ITGAV: variants seen among roughly 807,000 people sequenced by gnomAD.
ITGAV encodes integrin alpha-V.
A neutral mutation model predicts 143.8 loss-of-function variants in ITGAV; 76 were observed. The ratio of observed to expected loss-of-function variants is 0.53; its 90% CI spans 0.44 to 0.64. ITGAV has a LOEUF of 0.64. Ranked by LOEUF, ITGAV falls within the 30% of genes least tolerant of loss-of-function variation. ITGAV has a pLI of 0.00. For synonymous variants in ITGAV, 453 were observed against 446.7 expected (o/e 1.01, Z -0.18); for missense variants, 1,193 against 1,274.7 (o/e 0.94, Z 0.98).
intron 2 of ITGAV, among the ~76,000 whole-genome samples, chr2:186,603,369 C>G (rs1277358059): frequency 3.9e-5 from 6 of 152,046 alleles, no homozygotes; most frequent in Non-Finnish European, 7.4e-5. Flanking sequence ...TGGACTGTTC[C>G]ATTTGACATT....
At chr2:186,646,155 CT>C (rs1179363493) in intron 12 of ITGAV, among the ~76,000 whole-genome samples, 5 of 152,120 alleles carry the variant, frequency 3.3e-5, no homozygotes, top group Non-Finnish European at 7.4e-5. Context: ...CATTTATCTT[CT>C]TTCAGTGTAA....
chr2:186,668,157 T>A (rs1688951024), intron 24 of ITGAV: 1 of 133,586 alleles, frequency 7.5e-6, no homozygotes, highest in Admixed American at 7.9e-5. Flanking sequence ...AACTTTTAAA[T>A]ATTTTGCCTT....
chr2:186,615,409 A>G (rs1052261530), intron 2 of ITGAV, among the ~76,000 whole-genome samples: 1 of 152,130 alleles, frequency 6.6e-6, no homozygotes, highest in African/African-American at 2.4e-5. Flanking sequence ...GTACCATTTT[A>G]CATTTCTATT....
intron 5 of ITGAV, among the ~76,000 whole-genome samples, chr2:186,631,943 C>T (rs1478731625): frequency 1.3e-5 from 2 of 152,112 alleles, no homozygotes. Context: ...ATGAGGATTG[C>T]TTGAACTGCA....
chr2:186,598,692 G>A (rs933887371), intron 1 of ITGAV, among the ~76,000 whole-genome samples: 29 of 152,110 alleles, frequency 1.9e-4, no homozygotes, highest in African/African-American at 6.3e-4. Context: ...GCCGCCCAAA[G>A]TGTTGGGATT....
intron 26 of ITGAV, among the ~76,000 whole-genome samples, chr2:186,674,015 C>A (rs566257922): frequency 1.4e-4 from 22 of 152,102 alleles, no homozygotes; most frequent in Non-Finnish European, 2.5e-4. Flanking sequence ...ATTCTCTCAT[C>A]CATGCTGGAG....
chr2:186,622,676 TC>T (rs1332706755), intron 3 of ITGAV, among the ~76,000 whole-genome samples: 1 of 152,202 alleles, frequency 6.6e-6, no homozygotes, highest in Non-Finnish European at 1.5e-5. Flanking sequence ...ACTTGACAGT[TC>T]CTATCAGTTT....
Position 186,622,429 on chromosome 2 carries a change from TG to T in ITGAV, c.408+1del, listed in dbSNP as rs1475507828. On this transcript the variant is annotated frameshift_variant and splice_region_variant, in exon 3 of 30. Coordinates refer to ENST00000261023, the MANE Select transcript of ITGAV (RefSeq NM_002210.5). LOFTEE classifies it high-confidence loss of function. ...ASVRSKQDKI[L>X]ACAPLYHWRT... ...GTGAGGTCGAAACAGGATAAAATTT[TG>T]GTGAGTCTTCTGGATATTTACTTAC... 6.2e-7 allele frequency: 1 copy of T among 1,601,588 alleles called. No individual in the cohort carries two copies.
chr2:186,601,531 GA>G (rs1389906976), intron 1 of ITGAV, among the ~76,000 whole-genome samples: 1 of 150,386 alleles, frequency 6.6e-6, no homozygotes, highest in South Asian at 2.1e-4. Flanking sequence ...TTCTAAATGG[GA>G]AAATCATATT....
intron 28 of ITGAV, among the ~76,000 whole-genome samples, 186 bp from the exon 29 acceptor site, chr2:186,676,627 C>G (rs756777259): frequency 6.6e-6 from 1 of 152,036 alleles, no homozygotes; most frequent in Non-Finnish European, 1.5e-5. Flanking sequence ...AGAAGTCAGC[C>G]TATCATTGGG....
rs559990234 is a variant in ITGAV at position 186,622,402 on chromosome 2, C to T, written c.380C>T (p.Ser127Phe). ...AAGTCCCATCAGTGGTTTGGAGCAT[C>T]TGTGAGGTCGAAACAGGATAAAATT... Reference protein sequence around the residue: ...EFKSHQWFGASVRSKQDKILA... With the variant: ...EFKSHQWFGAFVRSKQDKILA... The change falls in exon 3 of 30, where the codon TCT (serine) becomes TTT (phenylalanine). Residue 127 changes from serine to phenylalanine, a missense_variant. Physicochemically the swap from Ser to Phe is radical, Grantham distance 155. Transcript: ENST00000261023. 6.2e-7 allele frequency: 1 copy of T among 1,613,354 alleles called. No individual in the cohort carries two copies. The highest frequency in any genetic ancestry group is 1.3e-5 in the African/African-American group (1 of 75,004).
chr2:186,596,895 C>T (rs1391275091), intron 1 of ITGAV, among the ~76,000 whole-genome samples: 2 of 152,132 alleles, frequency 1.3e-5, no homozygotes, highest in African/African-American at 2.4e-5. Context: ...ACTTTAATAT[C>T]GAGATGGCAT....
At chr2:186,654,564 G>A in intron 15 of ITGAV, 86 bp from the exon 16 acceptor site, 1 of 650,000 alleles carries the variant, frequency 1.5e-6, no homozygotes, top group Non-Finnish European at 2.7e-6. Context: ...TACAAACTAT[G>A]TAGTAGAAAG....
chr2:186,637,005 C>A, intron 7 of ITGAV, 60 bp from the exon 8 acceptor site: 1 of 1,391,446 alleles, frequency 7.2e-7, no homozygotes, highest in South Asian at 1.2e-5. Context: ...GCTTACTCAG[C>A]AAGCCTGCTG....
At chr2:186,645,130 A>C (rs777980051) in intron 12 of ITGAV, among the ~76,000 whole-genome samples, 7 of 152,188 alleles carry the variant, frequency 4.6e-5, no homozygotes, top group Admixed American at 6.5e-5. Flanking sequence ...GGAAATCCAG[A>C]TAGTGATAAA....
At chr2:186,637,235 A>C (rs1687969396) in intron 8 of ITGAV, 126 bp downstream of exon 8, 2 of 750,124 alleles carry the variant, frequency 2.7e-6, no homozygotes, top group Admixed American at 3.9e-5. Flanking sequence ...TAATCTCAGC[A>C]CTTTGGGAGG....
At chr2:186,664,716 T>C (rs758754362) in intron 20 of ITGAV, 75 bp downstream of exon 20, 109 of 1,561,762 alleles carry the variant, frequency 7.0e-5, no homozygotes, top group Non-Finnish European at 9.4e-5. Context: ...TTCCCCTATT[T>C]AGTGAAGCAC....
At chr2:186,660,213 T>G (rs916629094) in intron 18 of ITGAV, among the ~76,000 whole-genome samples, 2 of 152,192 alleles carry the variant, frequency 1.3e-5, no homozygotes, top group Non-Finnish European at 2.9e-5. Context: ...TGATTAATTT[T>G]CCAAACTCCC....
intron 28 of ITGAV, 82 bp downstream of exon 28, chr2:186,676,009 G>A (rs1326672718): frequency 1.4e-6 from 1 of 733,034 alleles, no homozygotes; most frequent in South Asian, 1.7e-5. Context: ...TTTAAAGAAC[G>A]ACAGCTTAAC....
Sources: allele counts gnomAD v4.1 joint callset (sites outside exome capture counted in the v4.1 genomes callset), GRCh38; gene constraint gnomAD v4.1.1; transcripts MANE v1.5; gene names NCBI Gene and HGNC (gene_info 2026-07-23, HGNC 2026-07-21).